EFCAB6: variants seen among roughly 807,000 people sequenced by gnomAD.
EFCAB6 encodes the protein EF-hand calcium-binding domain-containing protein 6.
In EFCAB6, 156 loss-of-function variants were observed where a neutral mutation model predicts 169.8. That is an observed-to-expected ratio of 0.92 (90% CI 0.81 to 1.05). The LOEUF (loss-of-function observed/expected upper bound fraction) is 1.05, where lower values mean the gene tolerates loss of function less well. Among genes scored for constraint, EFCAB6 ranks in the 50% least tolerant of loss-of-function variants. The probability of loss-of-function intolerance (pLI) is 0.00; values close to 1 mark genes in which losing one functional copy is unlikely to be tolerated. For synonymous variants in EFCAB6, 698 were observed against 676.4 expected, an observed-to-expected ratio of 1.03 and a Z score of -0.50; for missense variants, 1,800 against 1,829.1, an observed-to-expected ratio of 0.98 and a Z score of 0.29.
rs779263628 is a variant in EFCAB6, at chr22:43,711,463, T to C, written c.1031+12A>G. The stretch of plus-strand genomic sequence containing the variant: ...GGGGAAAAAAATGTCAAGGAAACAA[T>C]GAGACTCTTACCTTTTCATTAACTG... On this transcript the variant is annotated intron_variant, in intron 10 of 31. Coordinates refer to ENST00000262726, the MANE Select transcript of EFCAB6 (RefSeq NM_022785.4). The C allele has an allele frequency of 1.3e-6, 2 of 1,555,186 alleles. No homozygotes were observed. The highest frequency in any genetic ancestry group is 1.2e-5 in the South Asian group (1 of 82,484).
chr22:43,618,226 A>AAGAAAGAAAG (rs2053877437), intron 20 of EFCAB6, among the ~76,000 whole-genome samples: 1 of 144,788 alleles, frequency 6.9e-6, no homozygotes, highest in African/African-American at 2.5e-5. Context: ...AAGAAAGAGA[A>AAGAAAGAAAG]AGAAAGAAAG....
At chr22:43,600,532 C>T (rs1049874426) in intron 22 of EFCAB6, among the ~76,000 whole-genome samples, 20 of 152,186 alleles carry the variant, frequency 1.3e-4, no homozygotes, top group African/African-American at 3.6e-4. Context: ...AGGATGGTCA[C>T]GCCACACATG....
chr22:43,672,408 A>G, intron 13 of EFCAB6, 103 bp from the exon 14 acceptor site: 4 of 1,208,176 alleles, frequency 3.3e-6, no homozygotes, highest in Non-Finnish European at 4.7e-6. Flanking sequence ...TCTGTCCCTA[A>G]TTAGCCATTA....
chr22:43,534,264 C>T (rs552238966), intron 30 of EFCAB6, among the ~76,000 whole-genome samples: 86 of 152,330 alleles, frequency 5.6e-4, no homozygotes, highest in African/African-American at 2.1e-3. Context: ...GCAGTTCCCA[C>T]TTCACTCTCT....
At chr22:43,664,944 G>A (rs1055494594) in intron 17 of EFCAB6, among the ~76,000 whole-genome samples, 9 of 152,182 alleles carry the variant, frequency 5.9e-5, no homozygotes, top group African/African-American at 1.9e-4. Flanking sequence ...AATCACATGG[G>A]AGATGCTGGG....
intron 3 of EFCAB6, among the ~76,000 whole-genome samples, chr22:43,775,057 G>A (rs1160923729): frequency 3.3e-5 from 5 of 152,046 alleles, no homozygotes; most frequent in Non-Finnish European, 4.4e-5. Flanking sequence ...CCGTACTAGC[G>A]TGATGGTCAC....
chr22:43,597,410 T>C (rs1218910349), intron 23 of EFCAB6, among the ~76,000 whole-genome samples: 1 of 151,948 alleles, frequency 6.6e-6, no homozygotes, highest in African/African-American at 2.4e-5. Context: ...TGAAAAGAAA[T>C]AACCTGATTC....
chr22:43,534,600 A>G (rs2047277511), intron 30 of EFCAB6, 88 bp downstream of exon 30: 1 of 1,261,226 alleles, frequency 7.9e-7, no homozygotes. Flanking sequence ...CAGTCTGGGC[A>G]ATAGAGTAAG....
intron 2 of EFCAB6, among the ~76,000 whole-genome samples, chr22:43,784,596 T>C (rs143103874): frequency 0.035 from 1,981 of 56,708 alleles, 190 homozygotes; most frequent in African/African-American, 0.14. Flanking sequence ...TATATGTATA[T>C]ATACACATAT....
At chr22:43,549,332 AAAT>A (rs1246784488) in intron 27 of EFCAB6, among the ~76,000 whole-genome samples, 1 of 152,196 alleles carries the variant, frequency 6.6e-6, no homozygotes, top group Non-Finnish European at 1.5e-5. Context: ...GCCAGGAGAA[AAAT>A]AATATTAGAA....
At chr22:43,661,701 G>A (rs969010920) in intron 17 of EFCAB6, among the ~76,000 whole-genome samples, 2 of 152,222 alleles carry the variant, frequency 1.3e-5, no homozygotes, top group Non-Finnish European at 2.9e-5. Flanking sequence ...TCCACCAGGA[G>A]GCATGCGTCC....
At chr22:43,593,366 G>C (rs2051715087) in intron 23 of EFCAB6, among the ~76,000 whole-genome samples, 2 of 152,184 alleles carry the variant, frequency 1.3e-5, no homozygotes, top group South Asian at 4.1e-4. Flanking sequence ...AGAGGCACAG[G>C]CAGAGAAAGA....
At chr22:43,737,545 A>G (rs1003725980) in intron 6 of EFCAB6, among the ~76,000 whole-genome samples, 2 of 150,242 alleles carry the variant, frequency 1.3e-5, no homozygotes, top group Non-Finnish European at 3.0e-5. Context: ...TCACACACAC[A>G]TGTATTCATA....
chr22:43,663,577 C>T (rs540628865), intron 17 of EFCAB6, among the ~76,000 whole-genome samples: 3 of 152,296 alleles, frequency 2.0e-5, no homozygotes, highest in East Asian at 1.9e-4. Flanking sequence ...AAGCTTAAAC[C>T]GAACAAATCA....
intron 27 of EFCAB6, among the ~76,000 whole-genome samples, chr22:43,550,031 A>G (rs1009505195): frequency 2.0e-5 from 3 of 152,212 alleles, no homozygotes; most frequent in East Asian, 1.9e-4. Flanking sequence ...AAGAATATCT[A>G]TTGTGGTCAG....
chr22:43,692,960 T>A (rs758096216), intron 10 of EFCAB6, among the ~76,000 whole-genome samples: 1 of 152,004 alleles, frequency 6.6e-6, no homozygotes, highest in African/African-American at 2.4e-5. Flanking sequence ...AAGCTGAAAG[T>A]CAAATTCAAA....
chr22:43,782,267 G>T lies in EFCAB6; in HGVS notation c.52C>A (p.Arg18=). 6.2e-7 allele frequency: 1 copy of T among 1,613,990 alleles called. No individual in the cohort carries two copies. Residue 18 remains arginine (R), a synonymous_variant, in exon 3 of 32, where the codon CGA becomes AGA. Transcript: ENST00000262726. ...TGGGGTCTTGAATGTGTAAATTTTC[G>T]TGTGTGAGGATGCGACCTAAGCCAG... ...PDWLRSHPHT[R]KFTHSRPHSS...
chr22:43,543,821 G>A (rs1005340125), intron 27 of EFCAB6, among the ~76,000 whole-genome samples: 1 of 152,094 alleles, frequency 6.6e-6, no homozygotes, highest in Non-Finnish European at 1.5e-5. Context: ...GATGTGAGCC[G>A]AGGGTGGCGC....
At chr22:43,539,417 A>G (rs1376774532) in intron 28 of EFCAB6, among the ~76,000 whole-genome samples, 1 of 152,260 alleles carries the variant, frequency 6.6e-6, no homozygotes, top group Non-Finnish European at 1.5e-5. Flanking sequence ...AATACCCAGC[A>G]CACAGTAGGT....
Sources: gnomAD v4.1 joint callset for allele counts (sites outside exome capture counted in the v4.1 genomes callset) on GRCh38, gnomAD v4.1.1 for gene constraint, MANE v1.5 for transcripts, NCBI Gene and HGNC (gene_info 2026-07-23, HGNC 2026-07-21) for gene names.